Variants in P4HA1 observed in about 807,000 individuals in gnomAD.
P4HA1 encodes prolyl 4-hydroxylase subunit alpha-1.
In P4HA1, 24 loss-of-function variants were observed where a neutral mutation model predicts 72.8. That is an observed-to-expected ratio of 0.33 (90% confidence interval 0.24 to 0.46). P4HA1 has a LOEUF of 0.46. Among genes scored for constraint, P4HA1 ranks in the 20% least tolerant of loss-of-function variants. The pLI, the probability that P4HA1 is intolerant of heterozygous loss-of-function variation, is 1.00. For synonymous variants in P4HA1, 201 were observed against 218.8 expected, an observed-to-expected ratio of 0.92 and a Z score of 0.72; for missense variants, 446 against 640.6, an observed-to-expected ratio of 0.70 and a Z score of 3.28.
intron 10 of P4HA1, among the ~76,000 whole-genome samples, chr10:73,029,319 G>C (rs1486893037): frequency 6.6e-6 from 1 of 151,410 alleles, no homozygotes; most frequent in Admixed American, 6.6e-5. Context: ...GCTGAGGCAG[G>C]AGAATCGCTT....
At chr10:73,056,438 C>G (rs1466337474) in intron 5 of P4HA1, among the ~76,000 whole-genome samples, 1 of 151,394 alleles carries the variant, frequency 6.6e-6, no homozygotes, top group East Asian at 2.0e-4. Flanking sequence ...TCGAGACCAG[C>G]CTGGCCAACA....
intron 10 of P4HA1, among the ~76,000 whole-genome samples, chr10:73,018,682 GCCCTATTGGCTCAGGCTCCTAAT>G: frequency 6.6e-6 from 1 of 152,136 alleles, no homozygotes; most frequent in East Asian, 1.9e-4. Context: ...TTGCCACTAA[GCCCTATTGGCTCAGGCTCCTAAT>G]AGAGCCAAAC....
chr10:73,040,161 T>A (rs1174321194), intron 9 of P4HA1, among the ~76,000 whole-genome samples: 2 of 151,826 alleles, frequency 1.3e-5, no homozygotes, highest in African/African-American at 4.8e-5. Flanking sequence ...TGAGCCACCA[T>A]GCCCGGCCTT....
At chr10:73,051,345 T>A in intron 6 of P4HA1, 96 bp from the exon 7 acceptor site, 1 of 681,716 alleles carries the variant, frequency 1.5e-6, no homozygotes, top group South Asian at 2.1e-5. Flanking sequence ...TTATAATTTA[T>A]CTTCCAAACC....
At chr10:73,049,046 A>G (rs1401678151) in intron 7 of P4HA1, among the ~76,000 whole-genome samples, 1 of 152,146 alleles carries the variant, frequency 6.6e-6, no homozygotes, top group Non-Finnish European at 1.5e-5. Context: ...AGGCAGGAGA[A>G]TGGCGTGAAC....
chr10:73,074,524 A>C (rs1173303822), intron 2 of P4HA1, among the ~76,000 whole-genome samples: 3 of 152,166 alleles, frequency 2.0e-5, no homozygotes, highest in African/African-American at 7.2e-5. Context: ...ACAGTAGATT[A>C]AGTGGAAAAA....
chr10:73,022,869 T>C (rs1308681547), intron 10 of P4HA1, among the ~76,000 whole-genome samples: 4 of 152,196 alleles, frequency 2.6e-5, no homozygotes, highest in East Asian at 1.9e-4. Context: ...GGTAGCCGAT[T>C]TGATCAAGTG....
At chr10:73,024,142 A>T (rs182873188) in intron 10 of P4HA1, among the ~76,000 whole-genome samples, 36 of 152,302 alleles carry the variant, frequency 2.4e-4, no homozygotes, top group Non-Finnish European at 4.7e-4. Flanking sequence ...AGACCATTAT[A>T]ATAGACATCT....
chr10:73,070,026 T>C (rs771180928), intron 4 of P4HA1, among the ~76,000 whole-genome samples: 80 of 151,410 alleles, frequency 5.3e-4, no homozygotes, highest in South Asian at 1.0e-3. Context: ...CCCAGGCTGG[T>C]CTCCAACTCC....
rs190904769 is a variant in P4HA1 at position 73,085,281 on chromosome 10, C to T, written c.-32-10366G>A. On this transcript the variant is annotated intron_variant, in intron 1 of 14. Transcript: ENST00000394890. Reference sequence around the variant, plus strand: ...TGAACTTTGCCAAAATCTAAAACTGCTGTGCTTCAAGAAAGCGAAGACAAT... The same window carrying T: ...TGAACTTTGCCAAAATCTAAAACTGTTGTGCTTCAAGAAAGCGAAGACAAT... Among the ~76,000 whole-genome samples the T allele has an allele frequency of 1.7e-3, 257 of 152,304 alleles. 2 individuals are homozygous for T. The highest frequency in any genetic ancestry group is 2.6e-3 in the Non-Finnish European group (176 of 68,032).
chr10:73,080,249 A>T (rs1332497724), intron 1 of P4HA1, among the ~76,000 whole-genome samples: 1 of 152,198 alleles, frequency 6.6e-6, no homozygotes, highest in Non-Finnish European at 1.5e-5. Flanking sequence ...TTCCAAACTA[A>T]CATGCCTACC....
intron 9 of P4HA1, chr10:73,043,751 T>A (rs919468379): frequency 2.5e-5 from 18 of 724,736 alleles, no homozygotes; most frequent in Non-Finnish European, 4.1e-5. Context: ...TCATGAAAAC[T>A]CCAGCACAGA....
intron 7 of P4HA1, among the ~76,000 whole-genome samples, chr10:73,048,194 A>G (rs981546856): frequency 4.6e-5 from 7 of 152,214 alleles, no homozygotes; most frequent in African/African-American, 1.7e-4. Context: ...GTCAAATCCA[A>G]GGCTTTAATT....
chr10:73,027,666 G>C lies in P4HA1; in HGVS notation c.1248+2605C>G, dbSNP rs557427807. ...GGGGGAGGGGGGAGGGAGAGAGGAAGGAAGGAAGTAAAGAAATAAAGAGGG... is the reference window on the plus strand; with the variant it reads ...GGGGGAGGGGGGAGGGAGAGAGGAACGAAGGAAGTAAAGAAATAAAGAGGG... On this transcript the variant is annotated intron_variant, in intron 10 of 14. Transcript: ENST00000394890. Among the ~76,000 whole-genome samples the C allele has an allele frequency of 2.0e-3, 264 of 135,234 alleles. 1 individual carries two copies. The highest frequency in any genetic ancestry group is 6.8e-3 in the African/African-American group (240 of 35,492). The allele number at this position is 135,234 out of a possible 152,430, so 88.7% of individuals were successfully genotyped here.
chr10:73,040,061 G>T (rs1487092607), intron 9 of P4HA1, among the ~76,000 whole-genome samples: 2 of 151,646 alleles, frequency 1.3e-5, no homozygotes, highest in African/African-American at 4.8e-5. Context: ...ATAGAGACAA[G>T]GTCTAGCTAT....
intron 9 of P4HA1, among the ~76,000 whole-genome samples, chr10:73,030,666 G>A (rs538042818): frequency 6.6e-6 from 1 of 152,234 alleles, no homozygotes; most frequent in South Asian, 2.1e-4. Flanking sequence ...CCTACATTGA[G>A]AACTTCAAAA....
At chr10:73,044,542 C>A (rs1161090370) in intron 9 of P4HA1, among the ~76,000 whole-genome samples, 4 of 152,114 alleles carry the variant, frequency 2.6e-5, no homozygotes, top group Non-Finnish European at 4.4e-5. Flanking sequence ...GATGTATGAA[C>A]AAATGCCAAC....
chr10:73,023,404 T>C (rs1029270795), intron 10 of P4HA1, among the ~76,000 whole-genome samples: 1 of 152,146 alleles, frequency 6.6e-6, no homozygotes, highest in Admixed American at 6.5e-5. Context: ...CTAAGCTTTC[T>C]AAATAAAGGA....
intron 12 of P4HA1, among the ~76,000 whole-genome samples, chr10:73,012,864 C>T (rs890058721): frequency 9.9e-5 from 15 of 152,272 alleles, no homozygotes; most frequent in Admixed American, 5.9e-4. Flanking sequence ...GGCGCGATCT[C>T]GGCTCACTGC....
Sources: gnomAD v4.1 joint callset for allele counts (sites outside exome capture counted in the v4.1 genomes callset) on GRCh38, gnomAD v4.1.1 for gene constraint, MANE v1.5 for transcripts, NCBI Gene and HGNC (gene_info 2026-07-23, HGNC 2026-07-21) for gene names.